ESPL1: variants seen among roughly 807,000 people sequenced by gnomAD.
ESPL1 encodes extra spindle pole bodies like 1, separase.
In ESPL1, 50 loss-of-function variants were observed where a neutral mutation model predicts 217.2. The ratio of observed to expected loss-of-function variants is 0.23; its 90% confidence interval spans 0.18 to 0.29. ESPL1 has a LOEUF of 0.29. Among genes scored for constraint, ESPL1 ranks in the 10% least tolerant of loss-of-function variants. ESPL1 has a pLI of 1.00. For missense variants in ESPL1, 1,834 were observed against 2,603.0 expected (o/e 0.70, Z 6.43); for synonymous variants, 994 against 1,081.3 (o/e 0.92, Z 1.58).
At position 53,269,667 on chromosome 12, in the gene ESPL1, T is replaced by G. The variant is rs182525960; in HGVS notation, c.725T>G (p.Leu242Arg). Residue 242 changes from leucine (L) to arginine (R), a missense_variant, in exon 3 of 31, where the codon CTT becomes CGT. Leu to Arg is a moderately radical substitution (Grantham distance 102). This residue lies in a region of ESPL1 where 746 missense variants were observed against 1,077.0 expected (regional missense o/e 0.69). Transcript: ENST00000257934. This position sits in a 1 kb window ranked among gnomAD's most constrained non-coding sequence, Gnocchi z 6.7. ...GGTGAGAGAGGGAGCTCTTCTGGGC[T>G]TCTTTCTCCCCAGAGGGCCCTCTGC... Reference protein sequence around the residue: ...LVGERGSSSGLLSPQRALCLL... With the variant: ...LVGERGSSSGRLSPQRALCLL... The G allele has an allele frequency of 4.2e-5, 67 of 1,614,172 alleles. No homozygotes were observed. In the Admixed American group the frequency reaches 8.2e-4, roughly 20 times the overall value.
Position 53,269,336 on chromosome 12 carries a change from T to C in ESPL1, c.394T>C (p.Ser132Pro), listed in dbSNP as rs770081821. The change falls in exon 3 of 31, where the codon TCT becomes CCT. Residue 132 changes from serine to proline, a missense_variant. By Grantham distance (74) the Ser-to-Pro change is moderately conservative (BLOSUM62 -1). Around this residue, in one of 5 missense-constraint regions of ESPL1, gnomAD observed 746 missense variants for 1,077.0 expected, o/e 0.69. Coordinates refer to ENST00000257934, the MANE Select transcript of ESPL1 (RefSeq NM_012291.5). The surrounding 1 kb of genome is among the most constrained non-coding windows in gnomAD (Gnocchi z 6.7). ...QPLHACLVQCSREAAPQDYEA... is the reference protein window; with the variant it reads ...QPLHACLVQCPREAAPQDYEA... ...CCTCCATGCCTGCTTGGTGCAGTGC[T>C]CTCGCGAGGCTGCTCCCCAGGACTA... 7 of 1,614,126 alleles carry C rather than the reference T, an allele frequency of 4.3e-6. No homozygotes were observed. The highest frequency in any genetic ancestry group is 1.7e-5 in the Admixed American group (1 of 60,026).
rs769499872 is a variant in ESPL1 at position 53,289,274 on chromosome 12, G to A, written c.4893G>A (p.Gln1631=). 2.5e-6 allele frequency: 4 copies of A among 1,611,830 alleles called. No individual in the cohort carries two copies. The highest frequency in any genetic ancestry group is 3.4e-6 in the Non-Finnish European group (4 of 1,180,034). Residue 1631 remains glutamine (Q), a synonymous_variant, in exon 21 of 31, where the codon CAG becomes CAA. Transcript: ENST00000257934. ...CTGTCTCCATCACCTGTCGCCACCA[G>A]CTGCTCACCCACCTCCACAGACAGC... The part of the protein sequence containing the change: ...TESVSITCRH[Q]LLTHLHRQLS...
Position 53,272,613 on chromosome 12 carries a change from G to A in ESPL1, c.1370-108G>A. On this transcript the variant is annotated intron_variant, in intron 5 of 30. Transcript: ENST00000257934. ...AGCAGTAGGGGTTCCTGTCTGATCT[G>A]GAAGCTGCTGAACTGACCACAGATC... 3 of 1,305,032 alleles carry A rather than the reference G, an allele frequency of 2.3e-6. 1 individual carries two copies. In the Admixed American group the frequency reaches 6.4e-5, roughly 28 times the overall value. The allele number at this position is 1,305,032 out of a possible 1,614,324, so 80.8% of individuals were successfully genotyped here.
chr12:53,289,334 TGGGG>T (rs770745183), intron 21 of ESPL1, 31 bp downstream of exon 21: 6 of 1,610,962 alleles, frequency 3.7e-6, no homozygotes, highest in Non-Finnish European at 5.1e-6. Flanking sequence ...AGACTCCTGC[TGGGG>T]CAGACTAGAG....
Position 53,293,510 on chromosome 12 carries a change from A to G in ESPL1, c.*36A>G, listed in dbSNP as rs1408845650. ...CTGTCTTATTGATGCTAGAAGCCTC[A>G]TAACTGTTCTACCTCCAAGGTTAGA... On this transcript the variant is annotated 3_prime_UTR_variant, in exon 31 of 31. Transcript: ENST00000257934. The surrounding 1 kb of genome is among the most constrained non-coding windows in gnomAD (Gnocchi z 4.2). 6.8e-7 allele frequency: 1 copy of G among 1,480,736 alleles called. No individual in the cohort carries two copies. The highest frequency in any genetic ancestry group is 1.7e-5 in the Admixed American group (1 of 59,506). The allele number at this position is 1,480,736 out of a possible 1,614,324, so 91.7% of individuals were successfully genotyped here.
intron 5 of ESPL1, 118 bp from the exon 6 acceptor site, chr12:53,272,603 T>C: frequency 8.4e-7 from 1 of 1,188,760 alleles, no homozygotes; most frequent in Admixed American, 2.2e-5. Flanking sequence ...TAGGGGTTCC[T>C]GTCTGATCTG....
intron 16 of ESPL1, 81 bp from the exon 17 acceptor site, chr12:53,283,977 C>A: frequency 9.4e-7 from 1 of 1,059,776 alleles, no homozygotes; most frequent in Non-Finnish European, 1.5e-6. Flanking sequence ...GGTAGCTTGG[C>A]CTGGGAAAGA....
intron 11 of ESPL1, among the ~76,000 whole-genome samples, chr12:53,278,476 A>ACGC (rs1270094306): frequency 1.4e-5 from 1 of 69,008 alleles, no homozygotes; most frequent in East Asian, 4.9e-4. Context: ...ATGCTGTTTC[A>ACGC]CGCTATTTCA....
In ESPL1 at chr12:53,269,496, G is replaced by C; in HGVS notation, c.554G>C (p.Cys185Ser). The change falls in exon 3 of 31, where the codon TGT becomes TCT. Residue 185 changes from cysteine (C) to serine (S), a missense_variant. Around this residue, in one of 5 missense-constraint regions of ESPL1, gnomAD observed 746 missense variants for 1,077.0 expected, o/e 0.69. Transcript: ENST00000257934. The surrounding 1 kb of genome is among the most constrained non-coding windows in gnomAD (Gnocchi z 6.7). ...LVLLEDESTP[C>S]EVPHFASPTA... ...CTCTTGGAGGATGAAAGTACCCCTT[G>C]TGAGGTTCCTCACTTTGCTTCTCCA... is the stretch of plus-strand genomic sequence containing the variant. 1 of 1,614,238 alleles carries C rather than the reference G, an allele frequency of 6.2e-7. No homozygotes were observed. The highest frequency in any genetic ancestry group is 8.5e-7 in the Non-Finnish European group (1 of 1,180,032).
chr12:53,288,231 G>T lies in ESPL1; in HGVS notation c.4436G>T (p.Arg1479Met). 6.2e-7 allele frequency: 1 copy of T among 1,610,162 alleles called. No homozygotes were observed. Among genetic ancestry groups the T allele is most frequent in the Non-Finnish European group, 8.5e-7 (1 of 1,178,620 alleles). The change falls in exon 19 of 31, where the codon AGG becomes ATG. Residue 1479 changes from arginine to methionine, a missense_variant. By Grantham distance (91) the Arg-to-Met change is moderately conservative. This residue lies in a region of ESPL1 where 681 missense variants were observed against 808.0 expected (regional missense o/e 0.84). Transcript: ENST00000257934. The part of the protein sequence containing the change: ...RRPQRASDQA[R>M]PGPEIMRTIP... Reference sequence around the variant, plus strand: ...CCCCAGAGGGCCAGTGACCAGGCCAGGCCTGGCCCTGAGATCATGAGGACC... The same window carrying T: ...CCCCAGAGGGCCAGTGACCAGGCCATGCCTGGCCCTGAGATCATGAGGACC...
chr12:53,274,166 C>G (rs1462229179), intron 6 of ESPL1: 1 of 152,248 alleles, frequency 6.6e-6, no homozygotes, highest in Non-Finnish European at 1.5e-5. Context: ...AACCAGTGTT[C>G]TTAAGCAAGA....
rs1170924494 is a variant in ESPL1, at chr12:53,289,592, G to C, written c.5111G>C (p.Ser1704Thr). The change falls in exon 22 of 31, where the codon AGT (serine) becomes ACT (threonine). Residue 1704 changes from serine to threonine, a missense_variant and splice_region_variant. Transcript: ENST00000257934. ...CAGGAGCGCCTGGCTCTGATCCCCA[G>C]TGGTATGCGGGCAGCCTTCTGGCCG... is the stretch of plus-strand genomic sequence containing the variant. Reference protein sequence around the residue: ...SFQERLALIPSGVTVCVLALA... With the variant: ...SFQERLALIPTGVTVCVLALA... The C allele has an allele frequency of 6.2e-7, 1 of 1,612,394 alleles. No individual in the cohort carries two copies. The highest frequency in any genetic ancestry group is 2.2e-5 in the East Asian group (1 of 44,864).
chr12:53,286,988 C>G lies in ESPL1; in HGVS notation c.4176+76C>G. Reference sequence around the variant, plus strand: ...TCCTGGAGGAGAGTGTTTTATAGAGCAGGTGTCCCTGTGGAATAGCTCCCC... The same window carrying G: ...TCCTGGAGGAGAGTGTTTTATAGAGGAGGTGTCCCTGTGGAATAGCTCCCC... On this transcript the variant is annotated intron_variant, in intron 18 of 30. Transcript: ENST00000257934. The surrounding 1 kb of genome is among the most constrained non-coding windows in gnomAD (Gnocchi z 5.3). 1 of 1,437,228 alleles carries G rather than the reference C, an allele frequency of 7.0e-7. No homozygotes were observed. The highest frequency in any genetic ancestry group is 9.4e-7 in the Non-Finnish European group (1 of 1,066,458). 89.0% of individuals were successfully genotyped at this position (1,437,228 alleles called of 1,614,324 possible).
intron 19 of ESPL1, 33 bp downstream of exon 19, chr12:53,288,374 G>A: frequency 1.3e-6 from 2 of 1,557,724 alleles, no homozygotes; most frequent in Non-Finnish European, 1.7e-6. Context: ...GAAGGTGCAT[G>A]TTTTGGGGGT....
intron 3 of ESPL1, 88 bp downstream of exon 3, chr12:53,270,173 G>A: frequency 8.2e-7 from 1 of 1,216,094 alleles, no homozygotes; most frequent in Non-Finnish European, 1.2e-6. Context: ...GGAGGTCCTG[G>A]CTCCCTCCTT....
rs1040003729 is a variant in ESPL1, at chr12:53,283,517, C to T, written c.3056C>T (p.Thr1019Ile). Residue 1019 changes from threonine (T) to isoleucine (I), a missense_variant, in exon 16 of 31, where the codon ACA becomes ATA. Thr to Ile is a moderately conservative substitution (Grantham distance 89). Coordinates refer to ENST00000257934, the MANE Select transcript of ESPL1 (RefSeq NM_012291.5). ...TGCTTGGAGGCCCTAAAACTTACAA[C>T]AAAGCTGCAGATACCACGCCAGTAA... ...AFCLEALKLT[T>I]KLQIPRQCAL... 2 of 1,614,112 alleles carry T rather than the reference C, an allele frequency of 1.2e-6. No homozygotes were observed. The highest frequency in any genetic ancestry group is 8.5e-7 in the Non-Finnish European group (1 of 1,180,014).
intron 25 of ESPL1, 80 bp from the exon 26 acceptor site, chr12:53,291,610 A>G: frequency 6.9e-7 from 1 of 1,446,624 alleles, no homozygotes; most frequent in Non-Finnish European, 9.4e-7. Flanking sequence ...AAAACAGGGA[A>G]AGGGAAGAAA....
In ESPL1 at chr12:53,269,946, C is replaced by T; in HGVS notation, c.1004C>T (p.Ala335Val). Residue 335 changes from alanine to valine, a missense_variant, in exon 3 of 31, where the codon GCA becomes GTA. By Grantham distance (64) the Ala-to-Val change is moderately conservative. Around this residue, in one of 5 missense-constraint regions of ESPL1, gnomAD observed 746 missense variants for 1,077.0 expected, o/e 0.69. Transcript: ENST00000257934. The surrounding 1 kb of genome is among the most constrained non-coding windows in gnomAD (Gnocchi z 6.7). ...GAGGCACCATCACCCCCACTTCGGG[C>T]ATTGTATGAGAGCTGCCAGTTCTTC... ...SMEAPSPPLR[A>V]LYESCQFFLS... 6.2e-7 allele frequency: 1 copy of T among 1,614,200 alleles called. No individual in the cohort carries two copies. Among genetic ancestry groups the T allele is most frequent in the Non-Finnish European group, 8.5e-7 (1 of 1,180,038 alleles).
chr12:53,275,026 G>T lies in ESPL1; in HGVS notation c.1700+16G>T. Reference sequence around the variant, plus strand: ...TACAGCTAAAGTGAGTTGAGGGCCAGACGCAGTGGCTCATGCTTGTAATCC... The same window carrying T: ...TACAGCTAAAGTGAGTTGAGGGCCATACGCAGTGGCTCATGCTTGTAATCC... On this transcript the variant is annotated intron_variant, in intron 7 of 30. Transcript: ENST00000257934. 5 of 1,506,990 alleles carry T rather than the reference G, an allele frequency of 3.3e-6. No homozygotes were observed. Among genetic ancestry groups the T allele is most frequent in the Non-Finnish European group, 4.4e-6 (5 of 1,129,246 alleles). The allele number at this position is 1,506,990 out of a possible 1,614,324, so 93.4% of individuals were successfully genotyped here.
Sources: allele counts gnomAD v4.1 joint callset (sites outside exome capture counted in the v4.1 genomes callset), GRCh38; gene constraint gnomAD v4.1.1; regional missense constraint gnomAD v4.1.1; non-coding constraint Gnocchi (gnomAD v3.1); transcripts MANE v1.5; gene names NCBI Gene and HGNC (gene_info 2026-07-23, HGNC 2026-07-21).